The following SREBF2 variants were observed in gnomAD, a reference collection of about 807,000 sequenced individuals.
The protein encoded by SREBF2 is sterol regulatory element-binding protein 2.
A neutral mutation model predicts 113.1 loss-of-function variants in SREBF2; 55 were observed. The observed-to-expected ratio is 0.49, with a 90% CI of 0.39 to 0.61. SREBF2 has a LOEUF of 0.61. Among genes scored for constraint, SREBF2 ranks in the 20% least tolerant of loss-of-function variants. The pLI, the probability that SREBF2 is intolerant of heterozygous loss-of-function variation, is 0.00. For missense variants in SREBF2, 1,349 were observed against 1,487.4 expected, an observed-to-expected ratio of 0.91 and a Z score of 1.53; for synonymous variants, 593 against 605.7, an observed-to-expected ratio of 0.98 and a Z score of 0.31.
rs1277088866 is a variant in SREBF2 at position 41,905,692 on chromosome 22, T to C, written c.*32T>C. 6.5e-7 allele frequency: 1 copy of C among 1,535,754 alleles called. No individual in the cohort carries two copies. The highest frequency in any genetic ancestry group is 2.4e-5 in the East Asian group (1 of 40,968). ...GGCTCAGCCCACCCCTCCACCTCTC[T>C]CTCGATTTCTCTCTCTCCCCCTCAG... On this transcript the variant is annotated 3_prime_UTR_variant, in exon 19 of 19. Coordinates refer to ENST00000361204, the MANE Select transcript of SREBF2 (RefSeq NM_004599.4).
At chr22:41,874,764 G>A (rs1049215755) in intron 5 of SREBF2, among the ~76,000 whole-genome samples, 1 of 152,054 alleles carries the variant, frequency 6.6e-6, no homozygotes, top group Non-Finnish European at 1.5e-5. Flanking sequence ...AAAATTAGCC[G>A]GGCGTGCTGG....
In SREBF2 at chr22:41,904,916, C is replaced by T. The variant is rs745637023; in HGVS notation, c.3147C>T (p.Arg1049=). 1.2e-6 allele frequency: 2 copies of T among 1,606,112 alleles called. No homozygotes were observed. The highest frequency in any genetic ancestry group is 2.2e-5 in the South Asian group (2 of 90,202). The change falls in exon 18 of 19, where the codon CGC becomes CGT. Residue 1049 remains arginine (R), a synonymous_variant. Transcript: ENST00000361204. The part of the protein sequence containing the change: ...VRLMAGASPT[R]THQLLEHSLR... Reference sequence around the variant, plus strand: ...TGATGGCAGGAGCCAGCCCCACCCGCACCCACCAGCTGCTGGAACACAGCC... The same window carrying T: ...TGATGGCAGGAGCCAGCCCCACCCGTACCCACCAGCTGCTGGAACACAGCC...
chr22:41,859,615 A>C (rs888824559), intron 1 of SREBF2, among the ~76,000 whole-genome samples: 6 of 151,856 alleles, frequency 4.0e-5, no homozygotes, highest in East Asian at 1.9e-4. Context: ...AAAAAAAAAA[A>C]CCCACTATGA....
intron 3 of SREBF2, among the ~76,000 whole-genome samples, chr22:41,870,628 CAAAAAAA>C (rs133289): frequency 8.9e-5 from 5 of 56,152 alleles, no homozygotes; most frequent in Non-Finnish European, 1.6e-4. Flanking sequence ...CCTGTCTCAG[CAAAAAAA>C]AAAAAAAAAA....
rs955442779 is a variant in SREBF2, at chr22:41,898,872, G to GGGGTGAA, written c.2738+96_2738+102dup. ...GCAAACTGGACTGGGTGGGCGTGTT[G>GGGGTGAA]GGGTGAAGGGTCAGGACTGCATGAC... On this transcript the variant is annotated intron_variant, in intron 15 of 18. Coordinates refer to ENST00000361204, the MANE Select transcript of SREBF2 (RefSeq NM_004599.4). The GGGGTGAA allele has an allele frequency of 4.5e-6, 7 of 1,549,858 alleles. No individual in the cohort carries two copies. In the African/African-American group the frequency reaches 9.5e-5, roughly 21 times the overall value.
At chr22:41,869,438 CA>C (rs1315456823) in intron 3 of SREBF2, among the ~76,000 whole-genome samples, 3 of 104,446 alleles carry the variant, frequency 2.9e-5, no homozygotes, top group Non-Finnish European at 5.4e-5. Context: ...GGATCCTGAA[CA>C]TATATTGGGT....
intron 1 of SREBF2, among the ~76,000 whole-genome samples, chr22:41,852,061 C>T (rs2076937265): frequency 6.6e-6 from 1 of 152,002 alleles, no homozygotes. Context: ...GTGGAGCTTG[C>T]AGTGAGCAGA....
rs1569415184 is a variant in SREBF2, at chr22:41,906,719, T to G, written c.*1059T>G. 1 of 152,172 alleles carries G rather than the reference T, an allele frequency of 6.6e-6. No homozygotes were observed. Among genetic ancestry groups the G allele is most frequent in the Admixed American group, 6.5e-5 (1 of 15,284 alleles). 9.4% of individuals were successfully genotyped at this position (152,172 alleles called of 1,614,324 possible). On this transcript the variant is annotated 3_prime_UTR_variant, in exon 19 of 19. Transcript: ENST00000361204. ...TATATATTTAAACCTAATTAATTCTTGAGCTGAAAATAAATAAACCAGGAT... is the reference window on the plus strand; with the variant it reads ...TATATATTTAAACCTAATTAATTCTGGAGCTGAAAATAAATAAACCAGGAT...
Position 41,877,999 on chromosome 22 carries a change from G to A in SREBF2, c.1637G>A (p.Gly546Asp). 2.5e-6 allele frequency: 4 copies of A among 1,614,132 alleles called. No individual in the cohort carries two copies. Among genetic ancestry groups the A allele is most frequent in the Non-Finnish European group, 3.4e-6 (4 of 1,180,034 alleles). The change falls in exon 9 of 19, where the codon GGT becomes GAT. Residue 546 changes from glycine to aspartate, a missense_variant. Coordinates refer to ENST00000361204, the MANE Select transcript of SREBF2 (RefSeq NM_004599.4). ...MPTLLLWLVN[G>D]VIVLSVFVKL... ...ACTCTTCTCTTATGGCTGGTAAATG[G>A]TGTGATTGTCCTGAGCGTCTTTGTG... is the stretch of plus-strand genomic sequence containing the variant.
rs757396090 is a variant in SREBF2 at position 41,868,637 on chromosome 22, G to A, written c.565G>A (p.Val189Met). The A allele has an allele frequency of 5.0e-6, 8 of 1,614,190 alleles. No homozygotes were observed. Among genetic ancestry groups the A allele is most frequent in the Non-Finnish European group, 5.9e-6 (7 of 1,180,034 alleles). Reference sequence around the variant, plus strand: ...CCTTCAGCCTCAAGTCCAAAGCCTGGTGACATCCTCCCAGGTACAGCCGGT... The same window carrying A: ...CCTTCAGCCTCAAGTCCAAAGCCTGATGACATCCTCCCAGGTACAGCCGGT... Reference protein sequence around the residue: ...QVLQPQVQSLVTSSQVQPVTI... With the variant: ...QVLQPQVQSLMTSSQVQPVTI... The change falls in exon 3 of 19, where the codon GTG (valine) becomes ATG (methionine). Residue 189 changes from valine to methionine, a missense_variant. Physicochemically the swap from Val to Met is conservative, Grantham distance 21 (BLOSUM62 1). Around this residue, in one of 2 missense-constraint regions of SREBF2, gnomAD observed 699 missense variants for 843.3 expected, o/e 0.83. Coordinates refer to ENST00000361204, the MANE Select transcript of SREBF2 (RefSeq NM_004599.4).
intron 4 of SREBF2, among the ~76,000 whole-genome samples, chr22:41,871,287 C>T (rs5758498): frequency 6.6e-6 from 1 of 152,122 alleles, no homozygotes; most frequent in African/African-American, 2.4e-5. Context: ...CTATTCTTGG[C>T]TAATAGCTCC....
intron 10 of SREBF2, among the ~76,000 whole-genome samples, chr22:41,883,865 A>C: frequency 6.6e-6 from 1 of 152,150 alleles, no homozygotes; most frequent in East Asian, 1.9e-4. Context: ...AGGCAAGGAG[A>C]CTGCTTGCCC....
In SREBF2 at chr22:41,906,128, G is replaced by A; in HGVS notation, c.*468G>A. On this transcript the variant is annotated 3_prime_UTR_variant, in exon 19 of 19. Coordinates refer to ENST00000361204, the MANE Select transcript of SREBF2 (RefSeq NM_004599.4). ...CGAATGTTTTCTACCAGTGTGCTTG[G>A]GTTTGCCATGATGCGAGGCTGAGTT... 2 of 396,356 alleles carry A rather than the reference G, an allele frequency of 5.0e-6. No homozygotes were observed. The highest frequency in any genetic ancestry group is 5.8e-5 in the Admixed American group (2 of 34,622). 24.6% of individuals were successfully genotyped at this position (396,356 alleles called of 1,614,324 possible).
Position 41,881,011 on chromosome 22 carries a change from C to T in SREBF2, c.2038+19C>T. On this transcript the variant is annotated intron_variant, in intron 10 of 18. Coordinates refer to ENST00000361204, the MANE Select transcript of SREBF2 (RefSeq NM_004599.4). ...ATCACAGGTGAGGGGGCAGCTGCTG[C>T]TGCCTGGCTTGCTGCAAGGCATCTC... 6.2e-7 allele frequency: 1 copy of T among 1,601,924 alleles called. No homozygotes were observed. The highest frequency in any genetic ancestry group is 8.5e-7 in the Non-Finnish European group (1 of 1,179,454).
rs916460165 is a variant in SREBF2, at chr22:41,906,263, G to A, written c.*603G>A. 3 of 266,608 alleles carry A rather than the reference G, an allele frequency of 1.1e-5. No individual in the cohort carries two copies. The highest frequency in any genetic ancestry group is 3.9e-5 in the South Asian group (1 of 25,898). The allele number at this position is 266,608 out of a possible 1,614,324, so 16.5% of individuals were successfully genotyped here. A position where few individuals can be genotyped will look rare whatever the true frequency, so the allele number is the denominator to read the frequency against. On this transcript the variant is annotated 3_prime_UTR_variant, in exon 19 of 19. Coordinates refer to ENST00000361204, the MANE Select transcript of SREBF2 (RefSeq NM_004599.4). The stretch of plus-strand genomic sequence containing the variant: ...CACAGGACAGCCAGGGGAGGAGGGG[G>A]GCCCAGCCCTGGGAGGCTGGTGGGA...
At chr22:41,872,249 C>CA (rs57889677) in intron 4 of SREBF2, among the ~76,000 whole-genome samples, 111 of 113,308 alleles carry the variant, frequency 9.8e-4, no homozygotes, top group Non-Finnish European at 1.5e-3. Context: ...ATCTCCGTCT[C>CA]AAAAAAAAAA....
chr22:41,893,225 C>T lies in SREBF2; in HGVS notation c.2317C>T (p.Arg773Trp), dbSNP rs747929744. ...HPLGQKFFME[R>W]SWSVKSAAKE... ...CCTGGGCCAGAAGTTTTTCATGGAG[C>T]GGAGCTGGTCTGTGAAGTCAGCTGC... Residue 773 changes from arginine to tryptophan, a missense_variant, in exon 12 of 19, where the codon CGG (arginine) becomes TGG (tryptophan). By Grantham distance (101) the Arg-to-Trp change is moderately radical (BLOSUM62 -3). Coordinates refer to ENST00000361204, the MANE Select transcript of SREBF2 (RefSeq NM_004599.4). 4.6e-5 allele frequency: 74 copies of T among 1,614,030 alleles called. No individual in the cohort carries two copies. The highest frequency in any genetic ancestry group is 2.6e-4 in the South Asian group (24 of 91,092).
At chr22:41,858,524 C>T (rs1403555056) in intron 1 of SREBF2, among the ~76,000 whole-genome samples, 2 of 152,174 alleles carry the variant, frequency 1.3e-5, no homozygotes, top group African/African-American at 2.4e-5. Flanking sequence ...GGGAGGATCG[C>T]ATGAGGCAGG....
chr22:41,852,104 G>A (rs1368776488), intron 1 of SREBF2, among the ~76,000 whole-genome samples: 11 of 151,894 alleles, frequency 7.2e-5, no homozygotes, highest in Non-Finnish European at 1.3e-4. Flanking sequence ...CTGGGCGATA[G>A]AGAGAGACTC....
Sources: gnomAD v4.1 joint callset for allele counts (sites outside exome capture counted in the v4.1 genomes callset) on GRCh38, gnomAD v4.1.1 for gene constraint, gnomAD v4.1.1 regional missense constraint, MANE v1.5 for transcripts, NCBI Gene and HGNC (gene_info 2026-07-23, HGNC 2026-07-21) for gene names.